Variants in PDSS2 observed in about 807,000 individuals in gnomAD.
PDSS2 encodes the protein decaprenyl diphosphate synthase subunit 2.
PDSS2 carries 31 observed loss-of-function variants against 44.5 expected under a neutral mutation model. The ratio of observed to expected loss-of-function variants is 0.70; its 90% CI spans 0.52 to 0.94. The LOEUF (loss-of-function observed/expected upper bound fraction) is 0.94. PDSS2 is among the 40% of genes least tolerant of loss of function. The probability of loss-of-function intolerance (pLI) is 0.00; values close to 1 mark genes in which losing one functional copy is unlikely to be tolerated. For missense variants in PDSS2, 452 were observed against 482.2 expected, an observed-to-expected ratio of 0.94 and a Z score of 0.59; for synonymous variants, 157 against 180.3, an observed-to-expected ratio of 0.87 and a Z score of 1.03.
At chr6:107,258,466 A>T (rs1775099895) in intron 3 of PDSS2, among the ~76,000 whole-genome samples, 2 of 135,964 alleles carry the variant, frequency 1.5e-5, no homozygotes, top group East Asian at 2.2e-4. Context: ...TTAGAAAACT[A>T]AAAAAAAAAA....
intron 3 of PDSS2, among the ~76,000 whole-genome samples, chr6:107,271,797 G>A (rs1406695363): frequency 6.6e-6 from 1 of 152,134 alleles, no homozygotes; most frequent in Admixed American, 6.5e-5. Context: ...GCTCATGCCT[G>A]TAATCCCAGC....
intron 1 of PDSS2, among the ~76,000 whole-genome samples, chr6:107,429,937 T>TATATATATATATATATAC (rs1316596170): frequency 1.0e-5 from 1 of 99,648 alleles, no homozygotes; most frequent in East Asian, 3.1e-4. Context: ...TATATATATA[T>TATATATATATATATATAC]ACACCAAACC....
At chr6:107,230,656 C>G (rs1263110032) in intron 4 of PDSS2, among the ~76,000 whole-genome samples, 1 of 151,820 alleles carries the variant, frequency 6.6e-6, no homozygotes, top group African/African-American at 2.4e-5. Context: ...TCTTCCTGGA[C>G]CAGCAGACTA....
chr6:107,420,598 A>G (rs1259363923), intron 1 of PDSS2, among the ~76,000 whole-genome samples: 1 of 152,330 alleles, frequency 6.6e-6, no homozygotes, highest in East Asian at 1.9e-4. Flanking sequence ...TCAACAAATC[A>G]TGCTGGAACA....
chr6:107,451,766 TC>T (rs1781873750), intron 1 of PDSS2, among the ~76,000 whole-genome samples: 2 of 152,160 alleles, frequency 1.3e-5, no homozygotes, highest in African/African-American at 4.8e-5. Context: ...TTCCCAGAGC[TC>T]GGGGCCTTTG....
At chr6:107,431,765 T>C (rs1468850832) in intron 1 of PDSS2, among the ~76,000 whole-genome samples, 2 of 152,218 alleles carry the variant, frequency 1.3e-5, no homozygotes. Context: ...ACAGTAGCTA[T>C]ATTTATTGAA....
Position 107,406,144 on chromosome 6 carries a change from T to C in PDSS2, c.296+52846A>G, listed in dbSNP as rs544385752. On this transcript the variant is annotated intron_variant, in intron 1 of 7. Transcript: ENST00000369037. ...AGAATCTGCCTTTGACTTTCCCACC[T>C]CTCTTCTATTAATAATATAGTCAGG... Among the ~76,000 whole-genome samples, 8 of 152,288 alleles carry C rather than the reference T, an allele frequency of 5.3e-5. No individual in the cohort carries two copies. In the East Asian group the frequency reaches 1.5e-3, roughly 29 times the overall value.
chr6:107,251,607 G>A (rs1207290581), intron 3 of PDSS2, among the ~76,000 whole-genome samples: 1 of 152,186 alleles, frequency 6.6e-6, no homozygotes, highest in African/African-American at 2.4e-5. Flanking sequence ...TAGTAGCAAA[G>A]GTAAAACACT....
At chr6:107,235,885 C>T (rs568271827) in intron 4 of PDSS2, among the ~76,000 whole-genome samples, 1 of 151,980 alleles carries the variant, frequency 6.6e-6, no homozygotes, top group Non-Finnish European at 1.5e-5. Context: ...TGAATGCACA[C>T]CAACTGAAAT....
intron 2 of PDSS2, among the ~76,000 whole-genome samples, chr6:107,297,204 C>T (rs1465218885): frequency 6.6e-6 from 1 of 152,134 alleles, no homozygotes; most frequent in Non-Finnish European, 1.5e-5. Context: ...AGAAAGGCTT[C>T]CCAAATCTCA....
intron 1 of PDSS2, among the ~76,000 whole-genome samples, chr6:107,340,487 G>A (rs942579849): frequency 6.6e-6 from 1 of 152,166 alleles, no homozygotes; most frequent in Non-Finnish European, 1.5e-5. Context: ...AACCACCACT[G>A]TGGTACTTTT....
chr6:107,356,708 A>G (rs1051329303), intron 1 of PDSS2, among the ~76,000 whole-genome samples: 1 of 152,226 alleles, frequency 6.6e-6, no homozygotes, highest in Non-Finnish European at 1.5e-5. Context: ...GAAATAGTAA[A>G]GAGAAATAAA....
chr6:107,300,696 TC>T (rs1279077377), intron 2 of PDSS2, among the ~76,000 whole-genome samples: 1 of 152,200 alleles, frequency 6.6e-6, no homozygotes, highest in African/African-American at 2.4e-5. Context: ...TTGGGTCACT[TC>T]CCGTTGTATG....
In PDSS2 at chr6:107,211,494, G is replaced by A. The variant is rs1221101581; in HGVS notation, c.876+615C>T. 2.0e-5 allele frequency among the ~76,000 whole-genome samples: 3 copies of A among 151,998 alleles called. No homozygotes were observed. In the East Asian group the frequency reaches 5.8e-4, roughly 29 times the overall value. ...CACCTGTAATCCCAGCACTTTGGGA[G>A]GCCAAGGCGGGCAGATCACGAGGTC... On this transcript the variant is annotated intron_variant, in intron 5 of 7. Coordinates refer to ENST00000369037, the MANE Select transcript of PDSS2 (RefSeq NM_020381.4).
At position 107,188,431 on chromosome 6, in the gene PDSS2, G is replaced by T. The variant is rs577824075; in HGVS notation, c.1041+5391C>A. 1.5e-3 allele frequency among the ~76,000 whole-genome samples: 232 copies of T among 152,030 alleles called. 1 individual carries two copies. Among genetic ancestry groups the T allele is most frequent in the Middle Eastern group, 6.8e-3 (2 of 294 alleles). ...ATAAATAAATGTCGGTTGGGTGAAG[G>T]AGTGTGTCTGGACCTCAGGATAAGA... On this transcript the variant is annotated intron_variant, in intron 7 of 7. Transcript: ENST00000369037.
At chr6:107,221,291 G>A (rs562641103) in intron 4 of PDSS2, among the ~76,000 whole-genome samples, 43 of 136,730 alleles carry the variant, frequency 3.1e-4, no homozygotes, top group Non-Finnish European at 5.5e-4. Context: ...GTAGTGAGCC[G>A]AGACCGCACC....
At chr6:107,413,218 T>G (rs1305816748) in intron 1 of PDSS2, among the ~76,000 whole-genome samples, 1 of 152,210 alleles carries the variant, frequency 6.6e-6, no homozygotes, top group African/African-American at 2.4e-5. Flanking sequence ...AATTGACACT[T>G]TATCATGAGT....
intron 3 of PDSS2, among the ~76,000 whole-genome samples, chr6:107,248,069 T>C (rs1341224607): frequency 1.3e-5 from 2 of 151,742 alleles, no homozygotes; most frequent in Admixed American, 6.6e-5. Context: ...TCCTTAAAAC[T>C]GCAAATATTT....
chr6:107,234,855 TTTTA>T (rs1167253578), intron 4 of PDSS2, among the ~76,000 whole-genome samples: 3 of 152,204 alleles, frequency 2.0e-5, no homozygotes, highest in African/African-American at 7.2e-5. Context: ...GAGGGAAATG[TTTTA>T]TTTGTTATTT....
Sources: gnomAD v4.1 joint callset for allele counts (sites outside exome capture counted in the v4.1 genomes callset) on GRCh38, gnomAD v4.1.1 for gene constraint, MANE v1.5 for transcripts, NCBI Gene and HGNC (gene_info 2026-07-23, HGNC 2026-07-21) for gene names.